The following CPN2 variants were observed in gnomAD, a reference collection of about 807,000 sequenced individuals.
CPN2 encodes carboxypeptidase N subunit 2.
For missense variants in CPN2, 620 were observed against 671.4 expected, an observed-to-expected ratio of 0.92 and a Z score of 0.85; for synonymous variants, 336 against 318.4, an observed-to-expected ratio of 1.06 and a Z score of -0.59.
At chr3:194,346,654 A>G (rs995945755) in intron 1 of CPN2, among the ~76,000 whole-genome samples, 2 of 152,200 alleles carry the variant, frequency 1.3e-5, no homozygotes, top group Non-Finnish European at 2.9e-5. Context: ...CTTCCAAACA[A>G]TGAGCACACT....
rs1712810243 is a variant in CPN2 at position 194,341,357 on chromosome 3, C to T, written c.1346G>A (p.Arg449Gln). The T allele has an allele frequency of 3.7e-6, 6 of 1,613,984 alleles. No individual in the cohort carries two copies. Among genetic ancestry groups the T allele is most frequent in the East Asian group, 2.2e-5 (1 of 44,880 alleles). The change falls in exon 2 of 2, where the codon CGG becomes CAG. Residue 449 changes from arginine (R) to glutamine (Q), a missense_variant. Arg to Gln is a conservative substitution (Grantham distance 43, BLOSUM62 1). Transcript: ENST00000323830. ...NEKQLVCPVTRDHLGFQVTWP... is the reference protein window; with the variant it reads ...NEKQLVCPVTQDHLGFQVTWP... ...CGTGACCTGGAAGCCCAAGTGGTCCCGGGTGACGGGACACACCAGCTGCTT... is the reference window on the plus strand; with the variant it reads ...CGTGACCTGGAAGCCCAAGTGGTCCTGGGTGACGGGACACACCAGCTGCTT...
At chr3:194,344,753 C>A (rs1443268919) in intron 1 of CPN2, among the ~76,000 whole-genome samples, 3 of 152,180 alleles carry the variant, frequency 2.0e-5, no homozygotes, top group African/African-American at 7.2e-5. Flanking sequence ...GCAATCACCT[C>A]TTCCAGGAAA....
chr3:194,349,503 AT>A (rs1319969612), intron 1 of CPN2, among the ~76,000 whole-genome samples: 1 of 152,176 alleles, frequency 6.6e-6, no homozygotes, highest in East Asian at 1.9e-4. Flanking sequence ...AACCTATTTT[AT>A]TCTAAATATT....
At chr3:194,348,729 A>G (rs963198945) in intron 1 of CPN2, among the ~76,000 whole-genome samples, 2 of 152,026 alleles carry the variant, frequency 1.3e-5, no homozygotes, top group African/African-American at 4.8e-5. Context: ...CATCTCTTCA[A>G]AAAATTATAA....
chr3:194,349,779 T>G (rs983521952), intron 1 of CPN2, among the ~76,000 whole-genome samples: 5 of 8,846 alleles, frequency 5.7e-4, no homozygotes, highest in African/African-American at 5.1e-3. Context: ...TACCCTCTTC[T>G]TTTTTTTTTT....
At chr3:194,348,315 GCCCAGTTCAGCCCACCCCATCCT>G (rs1713132544) in intron 1 of CPN2, among the ~76,000 whole-genome samples, 1 of 144,578 alleles carries the variant, frequency 6.9e-6, no homozygotes, top group Admixed American at 7.3e-5. Context: ...CCCATCCGCT[GCCCAGTTCAGCCCACCCCATCCT>G]CTGCCCAGTT....
intron 1 of CPN2, among the ~76,000 whole-genome samples, chr3:194,350,351 T>C (rs1287131547): frequency 2.0e-5 from 3 of 152,206 alleles, no homozygotes; most frequent in Non-Finnish European, 4.4e-5. Flanking sequence ...GGCCTTACTC[T>C]CATCCTGCTT....
In CPN2 at chr3:194,341,643, G is replaced by A; in HGVS notation, c.1060C>T (p.Pro354Ser). 6.2e-7 allele frequency: 1 copy of A among 1,614,190 alleles called. No individual in the cohort carries two copies. The highest frequency in any genetic ancestry group is 8.5e-7 in the Non-Finnish European group (1 of 1,180,026). ...LGSNNLTALH[P>S]ALFQNLSKLE... Reference sequence around the variant, plus strand: ...TTGGACAGGTTCTGGAAGAGGGCTGGGTGCAGCGCCGTAAGGTTGTTGCTG... The same window carrying A: ...TTGGACAGGTTCTGGAAGAGGGCTGAGTGCAGCGCCGTAAGGTTGTTGCTG... The change falls in exon 2 of 2, where the codon CCA becomes TCA. Residue 354 changes from proline (P) to serine (S), a missense_variant. Physicochemically the swap from Pro to Ser is moderately conservative, Grantham distance 74. Coordinates refer to ENST00000323830, the MANE Select transcript of CPN2 (RefSeq NM_001080513.4).
In CPN2 at chr3:194,341,958, G is replaced by T. The variant is rs1481616454; in HGVS notation, c.745C>A (p.Gln249Lys). The change falls in exon 2 of 2, where the codon CAA becomes AAA. Residue 249 changes from glutamine (Q) to lysine (K), a missense_variant. Physicochemically the swap from Gln to Lys is moderately conservative, Grantham distance 53. Coordinates refer to ENST00000323830, the MANE Select transcript of CPN2 (RefSeq NM_001080513.4). ...QLFCLERLWLQRNAITHLPLS... is the reference protein window; with the variant it reads ...QLFCLERLWLKRNAITHLPLS... ...GGCAGGTGCGTGATGGCGTTGCGTT[G>T]CAGCCACAGCCTCTCTAGGCAGAAG... 2 of 1,613,712 alleles carry T rather than the reference G, an allele frequency of 1.2e-6. No homozygotes were observed. The highest frequency in any genetic ancestry group is 1.7e-6 in the Non-Finnish European group (2 of 1,180,010).
intron 1 of CPN2, among the ~76,000 whole-genome samples, chr3:194,346,622 C>T (rs1339763247): frequency 1.3e-5 from 2 of 152,244 alleles, no homozygotes; most frequent in African/African-American, 4.8e-5. Context: ...TGCTTAACCT[C>T]TCTGTGTTTT....
At chr3:194,349,202 A>T (rs1181621133) in intron 1 of CPN2, among the ~76,000 whole-genome samples, 2 of 152,098 alleles carry the variant, frequency 1.3e-5, no homozygotes, top group Non-Finnish European at 2.9e-5. Context: ...CTCTACCAAA[A>T]ATACAAAAAT....
At chr3:194,349,849 T>C (rs1028994470) in intron 1 of CPN2, among the ~76,000 whole-genome samples, 2 of 136,770 alleles carry the variant, frequency 1.5e-5, no homozygotes, top group Non-Finnish European at 3.0e-5. Context: ...TTTCCCAGGC[T>C]GGAGTGCAGT....
rs1409194065 is a variant in CPN2, at chr3:194,341,200, C to G, written c.1503G>C (p.Trp501Cys). ...VLACDQAQCR[W>C]LNVQLSPQQG... is the part of the protein sequence containing the mutation. The stretch of plus-strand genomic sequence containing the variant: ...GCTGAGGAGAGAGCTGGACGTTCAG[C>G]CAGCGACACTGGGCCTGGTCACAGG... The change falls in exon 2 of 2, where the codon TGG becomes TGC. Residue 501 changes from tryptophan (W) to cysteine (C), a missense_variant. Transcript: ENST00000323830. 1 of 1,613,378 alleles carries G rather than the reference C, an allele frequency of 6.2e-7. No individual in the cohort carries two copies. The highest frequency in any genetic ancestry group is 8.5e-7 in the Non-Finnish European group (1 of 1,180,010).
In CPN2 at chr3:194,342,584, A is replaced by G; in HGVS notation, c.119T>C (p.Leu40Pro). The G allele has an allele frequency of 6.2e-7, 1 of 1,614,124 alleles. No homozygotes were observed. The highest frequency in any genetic ancestry group is 8.5e-7 in the Non-Finnish European group (1 of 1,180,024). The change falls in exon 2 of 2, where the codon CTT becomes CCT. Residue 40 changes from leucine (L) to proline (P), a missense_variant. Leu to Pro is a moderately conservative substitution (Grantham distance 98, BLOSUM62 -3). Transcript: ENST00000323830. ...VQEVFCSDEE[L>P]ATVPLDIPPY... is the part of the protein sequence containing the mutation. Reference sequence around the variant, plus strand: ...CGGGATGTCCAGTGGGACGGTGGCAAGCTCCTCATCTGAGCAGAACACCTC... The same window carrying G: ...CGGGATGTCCAGTGGGACGGTGGCAGGCTCCTCATCTGAGCAGAACACCTC...
chr3:194,341,579 G>C lies in CPN2; in HGVS notation c.1124C>G (p.Thr375Arg). Residue 375 changes from threonine to arginine, a missense_variant, in exon 2 of 2, where the codon ACA (threonine) becomes AGA (arginine). Transcript: ENST00000323830. ...LLSLSKNQLT[T>R]LPEGIFDTNY... is the part of the protein sequence containing the mutation. ...GGTGTCGAAGATGCCCTCCGGAAGT[G>C]TGGTCAGCTGGTTCTTGGAGAGGCT... is the stretch of plus-strand genomic sequence containing the variant. 6.2e-7 allele frequency: 1 copy of C among 1,614,198 alleles called. No homozygotes were observed. The highest frequency in any genetic ancestry group is 8.5e-7 in the Non-Finnish European group (1 of 1,180,038).
intron 1 of CPN2, among the ~76,000 whole-genome samples, chr3:194,348,701 G>A (rs1265053750): frequency 1.3e-5 from 2 of 151,926 alleles, no homozygotes; most frequent in African/African-American, 2.4e-5. Flanking sequence ...AATCAGCCTG[G>A]GCAACATGGT....
At chr3:194,343,011 C>G (rs192861458) in intron 1 of CPN2, among the ~76,000 whole-genome samples, 1 of 152,176 alleles carries the variant, frequency 6.6e-6, no homozygotes, top group Non-Finnish European at 1.5e-5. Flanking sequence ...GCTCCTAGAC[C>G]GTAACTCTTC....
chr3:194,344,320 T>C (rs1196676388), intron 1 of CPN2, among the ~76,000 whole-genome samples: 1 of 152,224 alleles, frequency 6.6e-6, no homozygotes, highest in Non-Finnish European at 1.5e-5. Context: ...TTTAGGCTGC[T>C]CTAAGGCATG....
chr3:194,343,826 G>T (rs543069511), intron 1 of CPN2, among the ~76,000 whole-genome samples: 1 of 152,296 alleles, frequency 6.6e-6, no homozygotes, highest in African/African-American at 2.4e-5. Flanking sequence ...CATAGAGTGA[G>T]TAATTAATCA....
Sources: allele counts gnomAD v4.1 joint callset (sites outside exome capture counted in the v4.1 genomes callset), GRCh38; gene constraint gnomAD v4.1.1; transcripts MANE v1.5; gene names NCBI Gene and HGNC (gene_info 2026-07-23, HGNC 2026-07-21).